The following BTBD2 variants were observed in gnomAD, a reference collection of about 807,000 sequenced individuals.
The protein encoded by BTBD2 is BTB domain containing 2, also known as BTB/POZ domain-containing protein 2.
BTBD2 carries 15 observed loss-of-function variants against 44.0 expected under a neutral mutation model. That is an observed-to-expected ratio of 0.34 (90% confidence interval 0.23 to 0.53). The LOEUF (loss-of-function observed/expected upper bound fraction) is 0.53. BTBD2 is among the 20% of genes least tolerant of loss of function. BTBD2 has a pLI of 0.95. For synonymous variants in BTBD2, 443 were observed against 335.9 expected (o/e 1.32, Z -3.49); for missense variants, 657 against 746.4 (o/e 0.88, Z 1.39).
chr19:1,987,490 C>A lies in BTBD2; in HGVS notation c.1181+10G>T, dbSNP rs1285473572. The A allele has an allele frequency of 6.4e-7, 1 of 1,554,366 alleles. No individual in the cohort carries two copies. Among genetic ancestry groups the A allele is most frequent in the Non-Finnish European group, 8.7e-7 (1 of 1,151,966 alleles). On this transcript the variant is annotated intron_variant, in intron 6 of 8. Transcript: ENST00000255608. Reference sequence around the variant, plus strand: ...TGTCCGGACCCCCCCGCCTGCACCCCAAGCCCCACCTGATGCGGTCACTGG... The same window carrying A: ...TGTCCGGACCCCCCCGCCTGCACCCAAAGCCCCACCTGATGCGGTCACTGG...
chr19:1,986,863 G>A lies in BTBD2; in HGVS notation c.1383C>T (p.Pro461=), dbSNP rs1301382421. ...VMFKEPVEVL[P]NVNYTACATL... ...TGGCACAGGCCGTGTAGTTGACGTTGGGCAGCACCTCCACCGGCTCCTTGA... is the reference window on the plus strand; with the variant it reads ...TGGCACAGGCCGTGTAGTTGACGTTAGGCAGCACCTCCACCGGCTCCTTGA... Residue 461 remains proline (P), a synonymous_variant, in exon 8 of 9, where the codon CCC becomes CCT. Transcript: ENST00000255608. The A allele has an allele frequency of 6.2e-7, 1 of 1,612,088 alleles. No individual in the cohort carries two copies. The highest frequency in any genetic ancestry group is 1.1e-5 in the South Asian group (1 of 90,994).
rs1475274992 is a variant in BTBD2 at position 1,985,664 on chromosome 19, C to G, written c.*824G>C. ...AGGTGGGCTAGGGCAACAGTATGTA[C>G]AGGCGAGCAGTGCTCCTGGACCCGG... On this transcript the variant is annotated 3_prime_UTR_variant, in exon 9 of 9. Transcript: ENST00000255608. The G allele has an allele frequency of 6.6e-6, 1 of 152,312 alleles. No homozygotes were observed. The highest frequency in any genetic ancestry group is 1.5e-5 in the Non-Finnish European group (1 of 68,102). 9.4% of individuals were successfully genotyped at this position (152,312 alleles called of 1,614,324 possible). A position where few individuals can be genotyped will look rare whatever the true frequency, so the allele number is the denominator to read the frequency against.
rs543075443 is a variant in BTBD2, at chr19:2,014,886, G to C, written c.407+411C>G. ...GAGGTGGAGGATCCAGGGGGGCCTG[G>C]GGATGGAGGGGTGCAGAGGCCCAGA... is the stretch of plus-strand genomic sequence containing the variant. On this transcript the variant is annotated intron_variant, in intron 1 of 8. Coordinates refer to ENST00000255608, the MANE Select transcript of BTBD2 (RefSeq NM_017797.4). 1.4e-4 allele frequency among the ~76,000 whole-genome samples: 21 copies of C among 151,722 alleles called. No homozygotes were observed. In the South Asian group the frequency reaches 4.4e-3, roughly 32 times the overall value.
intron 1 of BTBD2, among the ~76,000 whole-genome samples, chr19:1,997,763 CTCAT>C (rs2016270713): frequency 6.6e-6 from 1 of 152,250 alleles, no homozygotes; most frequent in African/African-American, 2.4e-5. Context: ...CAGGCACGCA[CTCAT>C]TCACTCATTC....
At chr19:1,997,525 C>A in intron 1 of BTBD2, 62 bp from the exon 2 acceptor site, 1 of 1,601,806 alleles carries the variant, frequency 6.2e-7, no homozygotes, top group Non-Finnish European at 8.5e-7. Flanking sequence ...GCCGGGAGGG[C>A]CAGCCCGGTA....
Position 1,987,626 on chromosome 19 carries a change from T to C in BTBD2, c.1055A>G (p.Asn352Ser). The change falls in exon 6 of 9, where the codon AAC becomes AGC. Residue 352 changes from asparagine to serine, a missense_variant. Asn to Ser is a conservative substitution (Grantham distance 46). Coordinates refer to ENST00000255608, the MANE Select transcript of BTBD2 (RefSeq NM_017797.4). ...AATGAACTCCACTCGTGGCTTGGGG[T>C]TGACGGTGAAGTGCAGGAAGAGGCT... is the stretch of plus-strand genomic sequence containing the variant. ...VVSLFLHFTV[N>S]PKPRVEFIDR... 6.2e-7 allele frequency: 1 copy of C among 1,612,184 alleles called. No individual in the cohort carries two copies. The highest frequency in any genetic ancestry group is 8.5e-7 in the Non-Finnish European group (1 of 1,179,624).
intron 4 of BTBD2, 71 bp downstream of exon 4, chr19:1,990,646 C>T (rs2016162261): frequency 2.2e-6 from 3 of 1,393,706 alleles, no homozygotes; most frequent in Non-Finnish European, 3.0e-6. Flanking sequence ...CCAAAGCTCC[C>T]ACTGTCAATC....
chr19:1,987,076 C>G (rs947734938), intron 7 of BTBD2, 90 bp downstream of exon 7: 3 of 1,594,206 alleles, frequency 1.9e-6, no homozygotes, highest in Non-Finnish European at 2.6e-6. Flanking sequence ...AGCACAGGGA[C>G]CAGGGCCGGG....
Position 1,990,891 on chromosome 19 carries a change from C to CG in BTBD2, c.685-70dup, listed in dbSNP as rs1289185217. 2.2e-6 allele frequency: 3 copies of CG among 1,387,882 alleles called. No homozygotes were observed. The African/African-American group carries it at 4.3e-5, about 20-fold the overall frequency. 86.0% of individuals were successfully genotyped at this position (1,387,882 alleles called of 1,614,324 possible). On this transcript the variant is annotated intron_variant, in intron 3 of 8. Coordinates refer to ENST00000255608, the MANE Select transcript of BTBD2 (RefSeq NM_017797.4). The stretch of plus-strand genomic sequence containing the variant: ...CCCAGCCCTCGGCAGATCCCCAGTG[C>CG]GGGGCCGGTTCAAATGCAGCCCTGA...
Position 1,997,524 on chromosome 19 carries a change from G to T in BTBD2, c.408-61C>A, listed in dbSNP as rs1051710395. On this transcript the variant is annotated intron_variant, in intron 1 of 8. Coordinates refer to ENST00000255608, the MANE Select transcript of BTBD2 (RefSeq NM_017797.4). Reference sequence around the variant, plus strand: ...TGGCCGCCACCCCACGGCCGGGAGGGCCAGCCCGGTATCCTGGGTGACCAC... The same window carrying T: ...TGGCCGCCACCCCACGGCCGGGAGGTCCAGCCCGGTATCCTGGGTGACCAC... 11 of 1,602,668 alleles carry T rather than the reference G, an allele frequency of 6.9e-6. No individual in the cohort carries two copies. In the African/African-American group the frequency reaches 1.1e-4, roughly 16 times the overall value.
chr19:1,994,831 T>C (rs1296293460), intron 2 of BTBD2, among the ~76,000 whole-genome samples: 1 of 152,240 alleles, frequency 6.6e-6, no homozygotes, highest in Admixed American at 6.5e-5. Context: ...CTGCCGGTAT[T>C]GTCCTTTGAG....
intron 2 of BTBD2, among the ~76,000 whole-genome samples, chr19:1,996,857 G>A (rs993106594): frequency 1.3e-5 from 2 of 151,642 alleles, no homozygotes; most frequent in African/African-American, 4.8e-5. Context: ...GGGCAACAGA[G>A]CAAGACCACG....
chr19:1,997,291 A>G (rs1466322215), intron 2 of BTBD2, 53 bp downstream of exon 2: 2 of 1,610,938 alleles, frequency 1.2e-6, no homozygotes, highest in African/African-American at 2.7e-5. Context: ...ACGTTCTCTG[A>G]GGTCCCCCTC....
intron 2 of BTBD2, among the ~76,000 whole-genome samples, chr19:1,995,324 CA>C (rs1795796537): frequency 6.9e-6 from 1 of 144,950 alleles, no homozygotes; most frequent in South Asian, 2.2e-4. Flanking sequence ...CTCTGTTGCC[CA>C]AGCTGGAGTG....
intron 1 of BTBD2, among the ~76,000 whole-genome samples, chr19:2,012,449 C>T (rs1379800629): frequency 6.6e-6 from 1 of 152,252 alleles, no homozygotes; most frequent in Non-Finnish European, 1.5e-5. Flanking sequence ...CGCACCCGGC[C>T]CCTTAGACTT....
At chr19:1,997,489 G>T in intron 1 of BTBD2, 26 bp from the exon 2 acceptor site, 1 of 1,612,998 alleles carries the variant, frequency 6.2e-7, no homozygotes, top group South Asian at 1.1e-5. Context: ...GAAGGCCCTG[G>T]TTAAGCCCGT....
chr19:1,993,995 CAAAAAAAAAAAAAAAAAAAAA>C lies in BTBD2; in HGVS notation c.528-840_528-820del, dbSNP rs542137742. Among the ~76,000 whole-genome samples the C allele has an allele frequency of 5.2e-4, 13 of 24,940 alleles. 1 individual carries two copies. The highest frequency in any genetic ancestry group is 7.1e-4 in the Non-Finnish European group (10 of 14,114). 16.4% of individuals were successfully genotyped at this position (24,940 alleles called of 152,430 possible). On this transcript the variant is annotated intron_variant, in intron 2 of 8. Transcript: ENST00000255608. ...CTGGAGACAGAGCGAGAATCCGTCT[CAAAAAAAAAAAAAAAAAAAAA>C]AAAAAAAAAAAGCAGCACAGGCCGG...
intron 2 of BTBD2, among the ~76,000 whole-genome samples, chr19:1,995,856 CAT>C (rs2016244722): frequency 6.6e-6 from 1 of 151,926 alleles, no homozygotes; most frequent in Admixed American, 6.6e-5. Context: ...GAGGTTTCAC[CAT>C]GTTAGCCAGC....
At chr19:2,004,394 T>G (rs1024675481) in intron 1 of BTBD2, among the ~76,000 whole-genome samples, 1 of 149,776 alleles carries the variant, frequency 6.7e-6, no homozygotes, top group Non-Finnish European at 1.5e-5. Flanking sequence ...GCCTCCCGGG[T>G]GCAAGCAATT....
Sources: allele counts gnomAD v4.1 joint callset (sites outside exome capture counted in the v4.1 genomes callset), GRCh38; gene constraint gnomAD v4.1.1; transcripts MANE v1.5; gene names NCBI Gene and HGNC (gene_info 2026-07-23, HGNC 2026-07-21).